The following SV2C variants were observed in gnomAD, a reference collection of about 807,000 sequenced individuals.
The protein encoded by SV2C is solute carrier family 22 member B3.
Under a neutral mutation model 79.7 loss-of-function variants are expected in SV2C, and 49 were observed. The observed-to-expected ratio is 0.61, with a 90% CI of 0.49 to 0.78. The LOEUF is 0.78. SV2C is among the 30% of genes least tolerant of loss of function. The pLI, the probability that SV2C is intolerant of heterozygous loss-of-function variation, is 0.00. For synonymous variants in SV2C, 334 were observed against 333.2 expected (o/e 1.00, Z -0.03); for missense variants, 833 against 912.9 (o/e 0.91, Z 1.13).
At position 76,331,602 on chromosome 5, in the gene SV2C, C is replaced by A. The variant is rs1251203238; in HGVS notation, c.*6055C>A. 6.6e-6 allele frequency: 1 copy of A among 152,224 alleles called. No individual in the cohort carries two copies. Among genetic ancestry groups the A allele is most frequent in the Non-Finnish European group, 1.5e-5 (1 of 68,104 alleles). The allele number at this position is 152,224 out of a possible 1,614,324, so 9.4% of individuals were successfully genotyped here. A position where few individuals can be genotyped will look rare whatever the true frequency, so the allele number is the denominator to read the frequency against. On this transcript the variant is annotated 3_prime_UTR_variant, in exon 13 of 13. Coordinates refer to ENST00000502798, the MANE Select transcript of SV2C (RefSeq NM_014979.4). ...TACCCTCCTCTGAGAGCCCCATTGC[C>A]ATTTTTGCCCACCAGTTCTCTTCTT...
At chr5:75,881,027 G>A in the SV2C span, among the ~76,000 whole-genome samples, 1 of 152,106 alleles carries the variant, frequency 6.6e-6, no homozygotes, top group African/African-American at 2.4e-5. Context: ...ACAAAAGAGT[G>A]AGTGGAGAGG....
At position 76,095,730 on chromosome 5, in the gene SV2C, G is replaced by T. The variant is rs116725982; in HGVS notation, c.-102+12218G>T. Among the ~76,000 whole-genome samples the T allele has an allele frequency of 4.7e-3, 709 of 152,012 alleles. 6 individuals carry two copies. Among genetic ancestry groups the T allele is most frequent in the African/African-American group, 0.016 (678 of 41,484 alleles). ...ACTCATAATTTATTTTTTTGTCATT[G>T]AATAAAAGCTCTAAAAATATCAGAA... is the stretch of plus-strand genomic sequence containing the variant. On this transcript the variant is annotated intron_variant, in intron 1 of 12. Coordinates refer to ENST00000502798, the MANE Select transcript of SV2C (RefSeq NM_014979.4).
At chr5:76,157,582 CAT>C (rs1341723057) in intron 2 of SV2C, among the ~76,000 whole-genome samples, 1 of 151,578 alleles carries the variant, frequency 6.6e-6, no homozygotes, top group African/African-American at 2.4e-5. Flanking sequence ...TACACACATA[CAT>C]ATATATATTA....
the SV2C span, among the ~76,000 whole-genome samples, chr5:75,946,471 T>C: frequency 6.6e-6 from 1 of 152,122 alleles, no homozygotes; most frequent in Admixed American, 6.6e-5. Flanking sequence ...TTTATTATTG[T>C]AGCTTTCTAG....
intron 4 of SV2C, among the ~76,000 whole-genome samples, chr5:76,260,831 T>C (rs530995021): frequency 6.6e-6 from 1 of 152,286 alleles, no homozygotes; most frequent in Admixed American, 6.5e-5. Context: ...TACCATGCTA[T>C]CTTGGTTACT....
At chr5:75,913,482 C>G in the SV2C span, among the ~76,000 whole-genome samples, 12 of 152,082 alleles carry the variant, frequency 7.9e-5, no homozygotes, top group African/African-American at 1.9e-4. Context: ...GATTAGAAAG[C>G]CTTGAAAGGG....
At chr5:76,343,681 T>C (rs1003590753) in intron 12 of SV2C, among the ~76,000 whole-genome samples, 4 of 152,210 alleles carry the variant, frequency 2.6e-5, no homozygotes, top group African/African-American at 9.7e-5. Context: ...ATAATTCCTC[T>C]TGGTATACAC....
chr5:75,962,366 T>C, the SV2C span, among the ~76,000 whole-genome samples: 1 of 152,098 alleles, frequency 6.6e-6, no homozygotes, highest in Admixed American at 6.6e-5. Flanking sequence ...GAGTTCCTCG[T>C]ACATGAAAAA....
intron 4 of SV2C, among the ~76,000 whole-genome samples, chr5:76,267,438 T>G (rs1746700852): frequency 6.6e-6 from 1 of 152,228 alleles, no homozygotes; most frequent in South Asian, 2.1e-4. Context: ...ATTTTTTTCA[T>G]TACTTGATGG....
At chr5:76,171,617 G>GA (rs1743258606) in intron 2 of SV2C, among the ~76,000 whole-genome samples, 2 of 145,576 alleles carry the variant, frequency 1.4e-5, no homozygotes, top group African/African-American at 4.9e-5. Flanking sequence ...GTGGGGGGGG[G>GA]GTCAGCCCCC....
chr5:76,189,604 C>G (rs764009713), intron 2 of SV2C, among the ~76,000 whole-genome samples: 3 of 152,156 alleles, frequency 2.0e-5, no homozygotes, highest in Non-Finnish European at 4.4e-5. Context: ...TATAAGCATA[C>G]ATTCGTTTGA....
chr5:76,254,016 C>A (rs543102570), intron 4 of SV2C, among the ~76,000 whole-genome samples: 2 of 151,998 alleles, frequency 1.3e-5, no homozygotes, highest in Non-Finnish European at 1.5e-5. Flanking sequence ...TGCAGGAGCT[C>A]ACACCTGTAA....
chr5:75,889,208 C>G, the SV2C span, among the ~76,000 whole-genome samples: 1 of 151,004 alleles, frequency 6.6e-6, no homozygotes, highest in Admixed American at 6.7e-5. Flanking sequence ...GGTTTTAAGC[C>G]CCACGTGCAT....
At chr5:76,009,986 A>AT in the SV2C span, among the ~76,000 whole-genome samples, 9 of 100,056 alleles carry the variant, frequency 9.0e-5, no homozygotes, top group South Asian at 7.3e-4. Context: ...TTACTTATCT[A>AT]TTTTGTTTTT....
At chr5:76,317,992 A>G (rs1230504925) in intron 12 of SV2C, among the ~76,000 whole-genome samples, 1 of 152,110 alleles carries the variant, frequency 6.6e-6, no homozygotes, top group African/African-American at 2.4e-5. Context: ...TCTTCCTAGG[A>G]GCCTCAAAAA....
the SV2C span, among the ~76,000 whole-genome samples, chr5:75,952,171 G>T: frequency 9.9e-5 from 15 of 151,746 alleles, no homozygotes; most frequent in African/African-American, 3.4e-4. Context: ...AAACAACCCT[G>T]ATCAAAAAAA....
At chr5:76,039,670 C>T in the SV2C span, among the ~76,000 whole-genome samples, 4 of 150,480 alleles carry the variant, frequency 2.7e-5, no homozygotes, top group African/African-American at 9.8e-5. Context: ...GCAGGAGAAT[C>T]GCTTGAACCC....
chr5:75,888,863 C>T, the SV2C span, among the ~76,000 whole-genome samples: 426 of 152,162 alleles, frequency 2.8e-3, 8 homozygotes, highest in East Asian at 0.034. Flanking sequence ...GCTACCTTAA[C>T]AAAGCGTCAC....
chr5:76,296,677 A>G (rs182517344), intron 9 of SV2C, among the ~76,000 whole-genome samples: 2 of 152,296 alleles, frequency 1.3e-5, no homozygotes, highest in East Asian at 3.9e-4. Context: ...AGTTGTCCCA[A>G]TTTCAAAAGT....
Sources: gnomAD v4.1 joint callset for allele counts (sites outside exome capture counted in the v4.1 genomes callset) on GRCh38, gnomAD v4.1.1 for gene constraint, MANE v1.5 for transcripts, NCBI Gene and HGNC (gene_info 2026-07-23, HGNC 2026-07-21) for gene names.